RBM27: variants seen among roughly 807,000 people sequenced by gnomAD.
RBM27 encodes RNA binding motif protein 27.
In RBM27, 22 loss-of-function variants were observed where a neutral mutation model predicts 135.3. The observed-to-expected ratio is 0.16, with a 90% CI of 0.12 to 0.23. The LOEUF (loss-of-function observed/expected upper bound fraction) is 0.23. Ranked by LOEUF, RBM27 falls within the 10% of genes least tolerant of loss-of-function variation. The probability of loss-of-function intolerance (pLI) is 1.00; values close to 1 mark genes in which losing one functional copy is unlikely to be tolerated. For missense variants in RBM27, 1,009 were observed against 1,281.0 expected, an observed-to-expected ratio of 0.79 and a Z score of 3.24; for synonymous variants, 481 against 442.4, an observed-to-expected ratio of 1.09 and a Z score of -1.10.
chr5:146,278,063 A>T (rs1002600014), intron 19 of RBM27, among the ~76,000 whole-genome samples: 2 of 152,200 alleles, frequency 1.3e-5, no homozygotes, highest in African/African-American at 4.8e-5. Context: ...ATAACCCTTC[A>T]GAATGTTGTA....
chr5:146,214,012 A>T (rs2126692294), intron 1 of RBM27, among the ~76,000 whole-genome samples: 1 of 152,310 alleles, frequency 6.6e-6, no homozygotes, highest in South Asian at 2.1e-4. Flanking sequence ...CTGTTGGTTG[A>T]TACTTAAGAT....
At chr5:146,235,983 C>G (rs1757142688) in intron 7 of RBM27, among the ~76,000 whole-genome samples, 1 of 152,126 alleles carries the variant, frequency 6.6e-6, no homozygotes, top group Admixed American at 6.5e-5. Context: ...AGCCACCGTG[C>G]CCAGCCCATA....
chr5:146,241,441 A>G (rs1481871798), intron 8 of RBM27, among the ~76,000 whole-genome samples: 1 of 152,184 alleles, frequency 6.6e-6, no homozygotes, highest in African/African-American at 2.4e-5. Context: ...AAGTAAGACT[A>G]TTTTGTAGTA....
intron 7 of RBM27, among the ~76,000 whole-genome samples, chr5:146,235,795 C>T (rs953971231): frequency 6.6e-6 from 1 of 152,002 alleles, no homozygotes; most frequent in Admixed American, 6.6e-5. Context: ...TGAAGGGATC[C>T]TCCCACCTCA....
At chr5:146,228,525 G>A (rs1756780758) in intron 3 of RBM27, among the ~76,000 whole-genome samples, 1 of 151,722 alleles carries the variant, frequency 6.6e-6, no homozygotes. Flanking sequence ...CAAGTGATCT[G>A]CCCGCCCCGG....
Position 146,206,993 on chromosome 5 carries a change from G to GACTAA in RBM27, c.59+3169_59+3170insACTAA, listed in dbSNP as rs1561518929. On this transcript the variant is annotated intron_variant, in intron 1 of 20. Transcript: ENST00000265271. ...TTTTTATTCTTAGTATGTCATCATG[G>GACTAA]GAGATTATTTTTTGTTTGTTTAGAT... Among the ~76,000 whole-genome samples, 41 of 152,214 alleles carry GACTAA rather than the reference G, an allele frequency of 2.7e-4. No homozygotes were observed. In the South Asian group the frequency reaches 6.4e-3, roughly 24 times the overall value.
At chr5:146,260,197 G>T (rs1758330339) in intron 11 of RBM27, among the ~76,000 whole-genome samples, 1 of 151,840 alleles carries the variant, frequency 6.6e-6, no homozygotes, top group South Asian at 2.1e-4. Context: ...TACTCAGGAA[G>T]CTGAGGCAGG....
Position 146,260,803 on chromosome 5 carries a change from A to G in RBM27, c.1798A>G (p.Thr600Ala). The G allele has an allele frequency of 6.2e-7, 1 of 1,613,594 alleles. No homozygotes were observed. The highest frequency in any genetic ancestry group is 8.5e-7 in the Non-Finnish European group (1 of 1,179,664). Residue 600 changes from threonine to alanine, a missense_variant, in exon 12 of 21, where the codon ACC (threonine) becomes GCC (alanine). Thr to Ala is a moderately conservative substitution (Grantham distance 58). This residue lies in a region of RBM27 where 329 missense variants were observed against 368.1 expected (regional missense o/e 0.89). Coordinates refer to ENST00000265271, the MANE Select transcript of RBM27 (RefSeq NM_018989.2). ...GFLRKNQYTNTKLEVKKIPQE... is the reference protein window; with the variant it reads ...GFLRKNQYTNAKLEVKKIPQE... ...CTTACGAAAGAATCAGTATACAAAC[A>G]CCAAATTAGAAGTCAAGAAAATCCC... is the stretch of plus-strand genomic sequence containing the variant.
intron 2 of RBM27, among the ~76,000 whole-genome samples, chr5:146,220,734 A>C (rs116378122): frequency 6.6e-6 from 1 of 152,182 alleles, no homozygotes; most frequent in Non-Finnish European, 1.5e-5. Context: ...TCCCAGTACA[A>C]CAGCTACTTA....
chr5:146,244,015 A>G (rs1265805025), intron 8 of RBM27, among the ~76,000 whole-genome samples: 4 of 152,216 alleles, frequency 2.6e-5, no homozygotes, highest in African/African-American at 7.2e-5. Flanking sequence ...AAAACCCATT[A>G]CAGTATATTT....
chr5:146,269,138 C>A, intron 15 of RBM27, 69 bp from the exon 16 acceptor site: 1 of 1,094,382 alleles, frequency 9.1e-7, no homozygotes. Context: ...CAGGGATGAC[C>A]CAGAAAAAAT....
At chr5:146,212,195 A>G (rs1342313198) in intron 1 of RBM27, among the ~76,000 whole-genome samples, 1 of 152,006 alleles carries the variant, frequency 6.6e-6, no homozygotes, top group East Asian at 1.9e-4. Flanking sequence ...AACTGGGATT[A>G]CAGGCACGCG....
At chr5:146,220,656 G>T (rs1756420787) in intron 2 of RBM27, among the ~76,000 whole-genome samples, 1 of 151,864 alleles carries the variant, frequency 6.6e-6, no homozygotes, top group Non-Finnish European at 1.5e-5. Flanking sequence ...TAAAACATAG[G>T]ATTACATATT....
At chr5:146,234,279 AT>A (rs1019783549) in intron 7 of RBM27, among the ~76,000 whole-genome samples, 6 of 152,086 alleles carry the variant, frequency 3.9e-5, no homozygotes, top group Non-Finnish European at 7.4e-5. Context: ...TATTAAAAAA[AT>A]TTTTTTTATT....
Position 146,203,759 on chromosome 5 carries a change from C to T in RBM27, c.-7C>T, listed in dbSNP as rs1426817322. ...AGAGCGGCGGCCGAGCCCGCCTTCC[C>T]TGCACCATGCTCATAGAGGATGTGG... is the stretch of plus-strand genomic sequence containing the variant. On this transcript the variant is annotated 5_prime_UTR_variant, in exon 1 of 21. Transcript: ENST00000265271. The T allele has an allele frequency of 3.2e-6, 5 of 1,550,816 alleles. No homozygotes were observed. The Admixed American group carries it at 7.8e-5, about 24-fold the overall frequency.
intron 14 of RBM27, among the ~76,000 whole-genome samples, chr5:146,264,789 A>C (rs1164443524): frequency 1.3e-5 from 2 of 152,248 alleles, no homozygotes; most frequent in East Asian, 3.9e-4. Context: ...AAAATCTAGA[A>C]ATAGACTCAG....
chr5:146,263,352 T>G (rs1758475661), intron 13 of RBM27, 139 bp from the exon 14 acceptor site: 1 of 784,734 alleles, frequency 1.3e-6, no homozygotes, highest in East Asian at 2.7e-5. Context: ...CCTTAAAAAA[T>G]AAAACCTTAC....
chr5:146,236,316 C>T (rs762663402), intron 7 of RBM27, among the ~76,000 whole-genome samples: 2 of 152,164 alleles, frequency 1.3e-5, no homozygotes, highest in Non-Finnish European at 2.9e-5. Context: ...TGATGCTTTT[C>T]ACAGTATGTT....
At position 146,216,710 on chromosome 5, in the gene RBM27, G is replaced by T. The variant is rs369958562; in HGVS notation, c.60-2275G>T. Among the ~76,000 whole-genome samples the T allele has an allele frequency of 6.6e-5, 10 of 151,508 alleles. 1 individual carries two copies. The East Asian group carries it at 1.8e-3, about 27-fold the overall frequency. Reference sequence around the variant, plus strand: ...TCTCACTGTGTATCCCAGGCTGGAGGGTAGTGGTGTGGTCATGGCTCACTG... The same window carrying T: ...TCTCACTGTGTATCCCAGGCTGGAGTGTAGTGGTGTGGTCATGGCTCACTG... On this transcript the variant is annotated intron_variant, in intron 1 of 20. Coordinates refer to ENST00000265271, the MANE Select transcript of RBM27 (RefSeq NM_018989.2).
Sources: gnomAD v4.1 joint callset for allele counts (sites outside exome capture counted in the v4.1 genomes callset) on GRCh38, gnomAD v4.1.1 for gene constraint, gnomAD v4.1.1 regional missense constraint, MANE v1.5 for transcripts, NCBI Gene and HGNC (gene_info 2026-07-23, HGNC 2026-07-21) for gene names.